ARFGEF1: variants seen among roughly 807,000 people sequenced by gnomAD.
ARFGEF1 encodes the protein ARF guanine nucleotide exchange factor 1.
ARFGEF1 carries 42 observed loss-of-function variants against 231.0 expected under a neutral mutation model. The ratio of observed to expected loss-of-function variants is 0.18; its 90% CI spans 0.14 to 0.24. The LOEUF (loss-of-function observed/expected upper bound fraction) is 0.24, where lower values mean the gene tolerates loss of function less well. Among genes scored for constraint, ARFGEF1 ranks in the 10% least tolerant of loss-of-function variants. The pLI is 1.00. For synonymous variants in ARFGEF1, 710 were observed against 732.3 expected (o/e 0.97, Z 0.49); for missense variants, 1,345 against 2,192.0 (o/e 0.61, Z 7.72).
At chr8:67,240,413 G>C (rs1839894470) in intron 19 of ARFGEF1, 123 bp from the exon 20 acceptor site, 5 of 969,708 alleles carry the variant, frequency 5.2e-6, no homozygotes, top group Non-Finnish European at 7.3e-6. Context: ...TATCTAGAAA[G>C]CTTTCTTAAA....
In ARFGEF1 at chr8:67,319,607, G is replaced by A. The variant is rs576372168; in HGVS notation, c.125-17141C>T. ...TAGAACAAAAAACTATCAAACTTTC[G>A]GAAAACATAGGAGAAACTCTCTGTG... On this transcript the variant is annotated intron_variant, in intron 1 of 38. Transcript: ENST00000262215. Among the ~76,000 whole-genome samples the A allele has an allele frequency of 2.5e-4, 38 of 151,794 alleles. No homozygotes were observed. In the South Asian group the frequency reaches 7.9e-3, roughly 32 times the overall value.
At chr8:67,337,140 A>C (rs1270369981) in intron 1 of ARFGEF1, among the ~76,000 whole-genome samples, 4 of 151,818 alleles carry the variant, frequency 2.6e-5, no homozygotes, top group Non-Finnish European at 4.4e-5. Context: ...AAAAAAAAAA[A>C]AAAAAAAAAA....
chr8:67,266,636 A>G (rs564151829), intron 13 of ARFGEF1, among the ~76,000 whole-genome samples: 51 of 152,310 alleles, frequency 3.3e-4, no homozygotes, highest in South Asian at 1.7e-3. Context: ...AAAGTTGCAT[A>G]AATATGCTTC....
intron 1 of ARFGEF1, among the ~76,000 whole-genome samples, chr8:67,329,689 C>G (rs1013232432): frequency 1.3e-5 from 2 of 151,212 alleles, no homozygotes; most frequent in Non-Finnish European, 3.0e-5. Context: ...TTCTGAAAAG[C>G]CAAATTATTA....
chr8:67,343,577 C>A lies in ARFGEF1; in HGVS notation c.-290G>T. ...GGGGTCGCGTCCCGGCCGCCCCTCTCACTCGTCCCTCCGGCCCTGGTGGCG... is the reference window on the plus strand; with the variant it reads ...GGGGTCGCGTCCCGGCCGCCCCTCTAACTCGTCCCTCCGGCCCTGGTGGCG... On this transcript the variant is annotated 5_prime_UTR_variant, in exon 1 of 39. Coordinates refer to ENST00000262215, the MANE Select transcript of ARFGEF1 (RefSeq NM_006421.5). 1 of 1,106,366 alleles carries A rather than the reference C, an allele frequency of 9.0e-7. No individual in the cohort carries two copies. Among genetic ancestry groups the A allele is most frequent in the Non-Finnish European group, 1.1e-6 (1 of 906,948 alleles). The allele number at this position is 1,106,366 out of a possible 1,614,324, so 68.5% of individuals were successfully genotyped here. A position where few individuals can be genotyped will look rare whatever the true frequency, so the allele number is the denominator to read the frequency against.
chr8:67,338,827 T>C (rs941532724), intron 1 of ARFGEF1, among the ~76,000 whole-genome samples: 1 of 152,198 alleles, frequency 6.6e-6, no homozygotes, highest in Admixed American at 6.5e-5. Context: ...TAAACGGAGA[T>C]TTGTTAATGG....
At chr8:67,238,565 A>T in intron 21 of ARFGEF1, 72 bp from the exon 22 acceptor site, 1 of 1,477,398 alleles carries the variant, frequency 6.8e-7, no homozygotes, top group Non-Finnish European at 9.1e-7. Flanking sequence ...AAATATATGC[A>T]GCCAGGACTT....
At chr8:67,332,848 CCAAACA>C (rs1808162449) in intron 1 of ARFGEF1, among the ~76,000 whole-genome samples, 1 of 152,084 alleles carries the variant, frequency 6.6e-6, no homozygotes, top group South Asian at 2.1e-4. Flanking sequence ...TCGAATTCTG[CCAAACA>C]CAAACTCATT....
chr8:67,184,239 C>G (rs1034343908), intron 5 of ARFGEF1, among the ~76,000 whole-genome samples: 1 of 152,072 alleles, frequency 6.6e-6, no homozygotes, highest in Non-Finnish European at 1.5e-5. Context: ...AATCAGTATT[C>G]TAAGCTTCCA....
At chr8:67,291,416 G>GT (rs969593838) in intron 6 of ARFGEF1, among the ~76,000 whole-genome samples, 3 of 131,848 alleles carry the variant, frequency 2.3e-5, no homozygotes, top group Non-Finnish European at 3.3e-5. Flanking sequence ...TTTAATTTCA[G>GT]TACTTTTTTT....
intron 1 of ARFGEF1, among the ~76,000 whole-genome samples, chr8:67,322,522 C>A (rs1264047661): frequency 2.0e-5 from 3 of 152,104 alleles, no homozygotes; most frequent in South Asian, 2.1e-4. Context: ...TATAGAGAGA[C>A]CCCATCACTA....
chr8:67,330,478 C>T (rs1033705513), intron 1 of ARFGEF1, among the ~76,000 whole-genome samples: 1 of 152,056 alleles, frequency 6.6e-6, no homozygotes, highest in African/African-American at 2.4e-5. Flanking sequence ...CACACAGATT[C>T]ATCATTGCAG....
intron 7 of ARFGEF1, among the ~76,000 whole-genome samples, chr8:67,282,150 T>G (rs1171167711): frequency 6.6e-6 from 1 of 151,968 alleles, no homozygotes; most frequent in East Asian, 1.9e-4. Flanking sequence ...TAAAAAAAAT[T>G]GAAGAGGGAG....
At chr8:67,209,869 C>T (rs1374030168) in intron 34 of ARFGEF1, among the ~76,000 whole-genome samples, 1 of 151,838 alleles carries the variant, frequency 6.6e-6, no homozygotes, top group Non-Finnish European at 1.5e-5. Context: ...GTAGGGTGCT[C>T]CTGCCGGGCA....
rs1314211110 is a variant in ARFGEF1, at chr8:67,198,271, T to G, written c.*663A>C. On this transcript the variant is annotated 3_prime_UTR_variant, in exon 39 of 39. Coordinates refer to ENST00000262215, the MANE Select transcript of ARFGEF1 (RefSeq NM_006421.5). ...AATCCCTATAAAATAAAAAAGAAAG[T>G]TCCACCCAAATGTTTAGTGCATTTG... The G allele has an allele frequency of 4.1e-6, 4 of 985,592 alleles. No individual in the cohort carries two copies. The African/African-American group carries it at 7.0e-5, about 17-fold the overall frequency. 61.1% of individuals were successfully genotyped at this position (985,592 alleles called of 1,614,324 possible).
intron 7 of ARFGEF1, among the ~76,000 whole-genome samples, chr8:67,287,235 G>A (rs931655087): frequency 2.6e-5 from 4 of 152,084 alleles, no homozygotes; most frequent in African/African-American, 7.2e-5. Context: ...CTTCCTTCTG[G>A]TATCCTGGAA....
chr8:67,278,507 C>A (rs1195085630), intron 7 of ARFGEF1, among the ~76,000 whole-genome samples: 1 of 152,136 alleles, frequency 6.6e-6, no homozygotes, highest in East Asian at 1.9e-4. Context: ...GGTTCCCCTA[C>A]CCAGAAGTTG....
At chr8:67,243,747 G>A (rs968550384) in intron 19 of ARFGEF1, among the ~76,000 whole-genome samples, 11 of 152,064 alleles carry the variant, frequency 7.2e-5, no homozygotes, top group African/African-American at 2.4e-4. Context: ...AGGAAAACAC[G>A]ACCTCACCAA....
At chr8:67,337,120 C>T (rs1419106299) in intron 1 of ARFGEF1, among the ~76,000 whole-genome samples, 105 of 128,366 alleles carry the variant, frequency 8.2e-4, no homozygotes, top group African/African-American at 3.0e-3. Context: ...CAGAGCGTGA[C>T]GCCGTCTCAA....
Sources: gnomAD v4.1 joint callset for allele counts (sites outside exome capture counted in the v4.1 genomes callset) on GRCh38, gnomAD v4.1.1 for gene constraint, MANE v1.5 for transcripts, NCBI Gene and HGNC (gene_info 2026-07-23, HGNC 2026-07-21) for gene names.